ASB5: variants seen among roughly 807,000 people sequenced by gnomAD.
ASB5 encodes the protein ankyrin repeat and SOCS box containing 5, also known as ankyrin repeat and SOCS box protein 5.
ASB5 carries 45 observed loss-of-function variants against 42.1 expected under a neutral mutation model. The ratio of observed to expected loss-of-function variants is 1.07; its 90% confidence interval spans 0.84 to 1.37. The LOEUF (loss-of-function observed/expected upper bound fraction) is 1.37, where lower values mean the gene tolerates loss of function less well. Among genes scored for constraint, ASB5 ranks in the 40% most tolerant of loss-of-function variants. The pLI, the probability that ASB5 is intolerant of heterozygous loss-of-function variation, is 0.00. For missense variants in ASB5, 402 were observed against 399.8 expected, an observed-to-expected ratio of 1.01 and a Z score of -0.05; for synonymous variants, 147 against 150.6, an observed-to-expected ratio of 0.98 and a Z score of 0.18.
At chr4:176,253,049 A>G (rs1377840) in intron 1 of ASB5, among the ~76,000 whole-genome samples, 151,468 of 152,318 alleles carry the variant, frequency 0.99, 75,316 homozygotes, top group Middle Eastern at 1. Context: ...AAAAGAAAAC[A>G]TCAAAAGAGA....
At chr4:176,264,258 A>C (rs1216022603) in intron 1 of ASB5, among the ~76,000 whole-genome samples, 1 of 152,192 alleles carries the variant, frequency 6.6e-6, no homozygotes, top group Non-Finnish European at 1.5e-5. Flanking sequence ...ACAATCCAAA[A>C]TTTGGTCCAT....
intron 1 of ASB5, among the ~76,000 whole-genome samples, chr4:176,262,897 T>C (rs1487670465): frequency 2.6e-5 from 4 of 152,210 alleles, no homozygotes; most frequent in African/African-American, 9.6e-5. Context: ...GTCAATTTTT[T>C]AACTTAAAAT....
At chr4:176,265,245 C>T (rs1477266663) in intron 1 of ASB5, among the ~76,000 whole-genome samples, 2 of 152,122 alleles carry the variant, frequency 1.3e-5, no homozygotes, top group East Asian at 1.9e-4. Context: ...TCTACTGACT[C>T]CCAACAGTCC....
intron 5 of ASB5, 66 bp from the exon 6 acceptor site, chr4:176,217,075 G>A (rs1454786142): frequency 7.3e-7 from 1 of 1,363,312 alleles, no homozygotes; most frequent in African/African-American, 1.5e-5. Context: ...CTGCCTCAGT[G>A]GGGATAGAAA....
intron 1 of ASB5, among the ~76,000 whole-genome samples, chr4:176,265,373 C>T (rs1436506811): frequency 1.3e-5 from 2 of 152,160 alleles, no homozygotes; most frequent in Non-Finnish European, 2.9e-5. Context: ...TCTTTAGAGT[C>T]ATTTGGCAGT....
intron 4 of ASB5, 63 bp from the exon 5 acceptor site, chr4:176,221,352 G>A (rs1753201158): frequency 6.2e-7 from 1 of 1,600,696 alleles, no homozygotes; most frequent in Non-Finnish European, 8.5e-7. Context: ...CTCACCCCAG[G>A]CTTCCCTTGT....
At chr4:176,249,318 T>C (rs543282727) in intron 1 of ASB5, among the ~76,000 whole-genome samples, 7 of 152,346 alleles carry the variant, frequency 4.6e-5, no homozygotes, top group African/African-American at 1.4e-4. Flanking sequence ...AACAAAGTTC[T>C]GACCATTTTT....
Position 176,215,659 on chromosome 4 carries a change from G to GC in ASB5, c.930dup (p.His311AlafsTer23). The GC allele has an allele frequency of 6.2e-7, 1 of 1,613,292 alleles. No homozygotes were observed. Among genetic ancestry groups the GC allele is most frequent in the Non-Finnish European group, 8.5e-7 (1 of 1,179,490 alleles). Reference sequence around the variant, plus strand: ...GGCAGCTGGAGTTGTGGGATAAGGTGCAATCTTGGTTTTCCTATGTAGCTT... The same window carrying GC: ...GGCAGCTGGAGTTGTGGGATAAGGTGCCAATCTTGGTTTTCCTATGTAGCTT... On this transcript the variant is annotated frameshift_variant, in exon 7 of 7. Coordinates refer to ENST00000296525, the MANE Select transcript of ASB5 (RefSeq NM_080874.4). LOFTEE classifies it high-confidence loss of function.
chr4:176,219,583 T>A (rs199786586), intron 5 of ASB5, among the ~76,000 whole-genome samples: 3,693 of 6,768 alleles, frequency 0.55, 1,363 homozygotes, highest in African/African-American at 0.62. Context: ...ATGATATATA[T>A]ATATATATAT....
intron 5 of ASB5, among the ~76,000 whole-genome samples, chr4:176,219,493 TTTGTATG>T: frequency 1.4e-5 from 1 of 73,440 alleles, no homozygotes; most frequent in Admixed American, 2.2e-4. Context: ...AATATATATA[TTTGTATG>T]ATATATAAAT....
At chr4:176,222,033 A>G (rs1753228732) in intron 3 of ASB5, among the ~76,000 whole-genome samples, 2 of 152,238 alleles carry the variant, frequency 1.3e-5, no homozygotes, top group Non-Finnish European at 2.9e-5. Flanking sequence ...GGCAAACGTT[A>G]TAGACCTAAA....
intron 5 of ASB5, among the ~76,000 whole-genome samples, chr4:176,219,919 C>T (rs1464511190): frequency 6.6e-6 from 1 of 151,940 alleles, no homozygotes; most frequent in Non-Finnish European, 1.5e-5. Flanking sequence ...ATGAAAGGCT[C>T]TAAAGCAGGG....
intron 1 of ASB5, among the ~76,000 whole-genome samples, chr4:176,238,895 T>A (rs919931410): frequency 6.6e-6 from 1 of 152,210 alleles, no homozygotes; most frequent in Non-Finnish European, 1.5e-5. Context: ...TAAGTTCTAA[T>A]CCTACCAGCT....
intron 5 of ASB5, among the ~76,000 whole-genome samples, chr4:176,219,369 A>G (rs1411832490): frequency 1.3e-5 from 1 of 79,506 alleles, no homozygotes; most frequent in Non-Finnish European, 2.5e-5. Flanking sequence ...AAATATATAT[A>G]TTTGTATGAT....
intron 1 of ASB5, among the ~76,000 whole-genome samples, chr4:176,232,996 A>G (rs144673470): frequency 1.3e-5 from 2 of 152,338 alleles, no homozygotes; most frequent in East Asian, 3.9e-4. Flanking sequence ...TTTACTAGTT[A>G]TGTGACCTTT....
chr4:176,251,936 C>T (rs1014514655), intron 1 of ASB5, among the ~76,000 whole-genome samples: 18 of 151,386 alleles, frequency 1.2e-4, no homozygotes, highest in Non-Finnish European at 2.5e-4. Flanking sequence ...CATGGTGGTA[C>T]ACACCTGTAG....
intron 1 of ASB5, among the ~76,000 whole-genome samples, chr4:176,257,587 A>G (rs1754179271): frequency 6.6e-6 from 1 of 152,194 alleles, no homozygotes; most frequent in Non-Finnish European, 1.5e-5. Flanking sequence ...ACATACCTTG[A>G]GTCTTAAAGG....
At chr4:176,224,952 T>C (rs1283004247) in intron 2 of ASB5, among the ~76,000 whole-genome samples, 1 of 152,260 alleles carries the variant, frequency 6.6e-6, no homozygotes, top group Non-Finnish European at 1.5e-5. Context: ...GCACATATTG[T>C]GCAGAGTTAA....
intron 1 of ASB5, among the ~76,000 whole-genome samples, chr4:176,239,767 T>A (rs1388819316): frequency 6.6e-6 from 1 of 152,218 alleles, no homozygotes; most frequent in Non-Finnish European, 1.5e-5. Context: ...GCCATTGGAT[T>A]TGAGTATAAC....
Sources: gnomAD v4.1 joint callset for allele counts (sites outside exome capture counted in the v4.1 genomes callset) on GRCh38, gnomAD v4.1.1 for gene constraint, MANE v1.5 for transcripts, NCBI Gene and HGNC (gene_info 2026-07-23, HGNC 2026-07-21) for gene names.